POLQ: variants seen among roughly 807,000 people sequenced by gnomAD.
The protein encoded by POLQ is epididymis secretory sperm binding protein.
POLQ carries 233 observed loss-of-function variants against 259.2 expected under a neutral mutation model. The observed-to-expected ratio is 0.90, with a 90% CI of 0.81 to 1.00. The LOEUF (loss-of-function observed/expected upper bound fraction) is 1.00, where lower values mean the gene tolerates loss of function less well. Among genes scored for constraint, POLQ ranks in the 50% least tolerant of loss-of-function variants. The pLI, the probability that POLQ is intolerant of heterozygous loss-of-function variation, is 0.00. For synonymous variants in POLQ, 1,025 were observed against 1,048.8 expected, an observed-to-expected ratio of 0.98 and a Z score of 0.44; for missense variants, 2,871 against 3,051.6, an observed-to-expected ratio of 0.94 and a Z score of 1.39.
At chr3:121,468,465 GA>G (rs575399163) in intron 22 of POLQ, 34 bp from the exon 23 acceptor site, 10 of 1,518,430 alleles carry the variant, frequency 6.6e-6, no homozygotes, top group Admixed American at 1.9e-5. Context: ...ATAAAATCAG[GA>G]AAAAAAATCT....
chr3:121,495,297 T>G (rs1018781570), intron 14 of POLQ, among the ~76,000 whole-genome samples: 1 of 151,996 alleles, frequency 6.6e-6, no homozygotes, highest in Non-Finnish European at 1.5e-5. Flanking sequence ...AGGGACTCTT[T>G]CCACCTAGAG....
chr3:121,541,136 C>A (rs986498295), intron 3 of POLQ, among the ~76,000 whole-genome samples: 1 of 152,316 alleles, frequency 6.6e-6, no homozygotes. Context: ...CCACCTTGGC[C>A]TCCCAAAGTG....
At chr3:121,483,247 T>G in intron 18 of POLQ, 139 bp downstream of exon 18, 44 of 466,140 alleles carry the variant, frequency 9.4e-5, no homozygotes, top group Non-Finnish European at 1.3e-4. Context: ...TCTGGGTAGA[T>G]GAGATTATTG....
chr3:121,460,904 T>C (rs1328413940), intron 24 of POLQ, among the ~76,000 whole-genome samples: 1 of 152,098 alleles, frequency 6.6e-6, no homozygotes, highest in Non-Finnish European at 1.5e-5. Flanking sequence ...AAAGAAAAAT[T>C]AGAAAAATAT....
At chr3:121,511,098 C>T (rs1158423206) in intron 10 of POLQ, among the ~76,000 whole-genome samples, 7 of 152,066 alleles carry the variant, frequency 4.6e-5, no homozygotes, top group African/African-American at 9.7e-5. Context: ...TGGTGGCGGG[C>T]GCCTGTAGTC....
chr3:121,455,416 A>T (rs1214946342), intron 25 of POLQ, among the ~76,000 whole-genome samples: 3 of 149,156 alleles, frequency 2.0e-5, no homozygotes, highest in Non-Finnish European at 4.5e-5. Context: ...GACACAAAAA[A>T]CCCTTCAAAA....
intron 5 of POLQ, among the ~76,000 whole-genome samples, chr3:121,536,454 C>T (rs563686730): frequency 1.1e-4 from 16 of 151,982 alleles, no homozygotes; most frequent in African/African-American, 3.6e-4. Context: ...AGGTAGTTGC[C>T]TCTGAGAAGT....
At chr3:121,432,643 T>C (rs1352829903) in intron 29 of POLQ, among the ~76,000 whole-genome samples, 1 of 152,252 alleles carries the variant, frequency 6.6e-6, no homozygotes, top group East Asian at 1.9e-4. Flanking sequence ...GCTAGAATGC[T>C]TGGAGCTTAG....
chr3:121,539,035 C>G (rs1393096677), intron 4 of POLQ, among the ~76,000 whole-genome samples: 1 of 152,142 alleles, frequency 6.6e-6, no homozygotes, highest in Admixed American at 6.6e-5. Flanking sequence ...AAATGACAGA[C>G]TCTGGGTCCA....
In POLQ at chr3:121,432,057, T is replaced by C. The variant is rs2047497534; in HGVS notation, c.*247A>G. On this transcript the variant is annotated 3_prime_UTR_variant, in exon 30 of 30. Transcript: ENST00000264233. ...CCACAGTAAGTTACAAAAGGCAAAT[T>C]CATAGATGCTCTTTGAAAGTGAATG... 1 of 380,442 alleles carries C rather than the reference T, an allele frequency of 2.6e-6. No homozygotes were observed. The highest frequency in any genetic ancestry group is 4.6e-5 in the Admixed American group (1 of 21,662). The allele number at this position is 380,442 out of a possible 1,614,324, so 23.6% of individuals were successfully genotyped here.
intron 5 of POLQ, among the ~76,000 whole-genome samples, chr3:121,533,893 T>C (rs2048429789): frequency 1.3e-5 from 2 of 149,456 alleles, no homozygotes; most frequent in African/African-American, 4.9e-5. Flanking sequence ...GTATGAACCA[T>C]GTGGATACCC....
At chr3:121,540,270 T>C (rs959110409) in intron 3 of POLQ, among the ~76,000 whole-genome samples, 1 of 152,186 alleles carries the variant, frequency 6.6e-6, no homozygotes, top group Non-Finnish European at 1.5e-5. Context: ...GAGTGTTTAC[T>C]AAGTTAACCC....
At chr3:121,522,951 C>A (rs1299302430) in intron 7 of POLQ, among the ~76,000 whole-genome samples, 1 of 152,294 alleles carries the variant, frequency 6.6e-6, no homozygotes, top group Non-Finnish European at 1.5e-5. Flanking sequence ...TTATTCTTGC[C>A]TCTTTGGCAT....
At chr3:121,529,533 G>A in intron 7 of POLQ, 112 bp downstream of exon 7, 1 of 962,270 alleles carries the variant, frequency 1.0e-6, no homozygotes, top group East Asian at 2.4e-5. Flanking sequence ...CACCTAGTGG[G>A]CAGGCAGTGA....
At chr3:121,543,860 G>A (rs1416727509) in intron 2 of POLQ, among the ~76,000 whole-genome samples, 1 of 152,022 alleles carries the variant, frequency 6.6e-6, no homozygotes, top group African/African-American at 2.4e-5. Context: ...GCGGGCATCT[G>A]TAATCCTAGG....
Position 121,494,018 on chromosome 3 carries a change from C to G in POLQ, c.2279-297G>C, listed in dbSNP as rs1008762501. ...ATAAACACAAAACAAACAAGAAGCCCTCACCCTAATTCATTCCTCTCTCTC... is the reference window on the plus strand; with the variant it reads ...ATAAACACAAAACAAACAAGAAGCCGTCACCCTAATTCATTCCTCTCTCTC... On this transcript the variant is annotated intron_variant, in intron 14 of 29. Transcript: ENST00000264233. 1.2e-4 allele frequency: 74 copies of G among 607,398 alleles called. 1 individual carries two copies. The South Asian group carries it at 1.4e-3, about 12-fold the overall frequency. The allele number at this position is 607,398 out of a possible 1,614,324, so 37.6% of individuals were successfully genotyped here. A position where few individuals can be genotyped will look rare whatever the true frequency, so the allele number is the denominator to read the frequency against.
chr3:121,476,118 T>G (rs1327504245), intron 20 of POLQ, among the ~76,000 whole-genome samples: 1 of 152,124 alleles, frequency 6.6e-6, no homozygotes, highest in Non-Finnish European at 1.5e-5. Flanking sequence ...TTTCATTTAA[T>G]TCAGAAAAAT....
At position 121,485,156 on chromosome 3, in the gene POLQ, T is replaced by C. The variant is rs754244644; in HGVS notation, c.5658A>G (p.Arg1886=). The change falls in exon 17 of 30, where the codon AGA becomes AGG. Residue 1886 remains arginine, a synonymous_variant. Transcript: ENST00000264233. ...QASSPQEIPI[R]DDGFPIKGCD... ...AACCTTTAATGGGAAATCCATCATC[T>C]CTAATAGGAATTTCCTGAGGTGAGC... 11 of 1,607,134 alleles carry C rather than the reference T, an allele frequency of 6.8e-6. No homozygotes were observed. The African/African-American group carries it at 1.3e-4, about 20-fold the overall frequency.
Position 121,481,776 on chromosome 3 carries a change from GCTC to G in POLQ, c.6004_6006del (p.Glu2002del). Reference sequence around the variant, plus strand: ...CTGGTAACTATGCTATGAAGAGTCGGCTCCTGAGAATCTGGATCTAGTAACCAG... The same window carrying G: ...CTGGTAACTATGCTATGAAGAGTCGGCTGAGAATCTGGATCTAGTAACCAG... On this transcript the variant is annotated inframe_deletion, in exon 19 of 30. Coordinates refer to ENST00000264233, the MANE Select transcript of POLQ (RefSeq NM_199420.4). 3 of 1,612,866 alleles carry G rather than the reference GCTC, an allele frequency of 1.9e-6. No individual in the cohort carries two copies. Among genetic ancestry groups the G allele is most frequent in the Non-Finnish European group, 2.5e-6 (3 of 1,179,046 alleles).
Sources: gnomAD v4.1 joint callset for allele counts (sites outside exome capture counted in the v4.1 genomes callset) on GRCh38, gnomAD v4.1.1 for gene constraint, MANE v1.5 for transcripts, NCBI Gene and HGNC (gene_info 2026-07-23, HGNC 2026-07-21) for gene names.